The following KATNBL1 variants were observed in gnomAD, a reference collection of about 807,000 sequenced individuals.
KATNBL1 encodes the protein KATNB1-like protein 1.
KATNBL1 carries 28 observed loss-of-function variants against 44.7 expected under a neutral mutation model. That is an observed-to-expected ratio of 0.63 (90% CI 0.46 to 0.86). The LOEUF (loss-of-function observed/expected upper bound fraction) is 0.86. Among genes scored for constraint, KATNBL1 ranks in the 40% least tolerant of loss-of-function variants. The pLI is 0.00. For missense variants in KATNBL1, 272 were observed against 350.7 expected, an observed-to-expected ratio of 0.78 and a Z score of 1.79; for synonymous variants, 78 against 114.9, an observed-to-expected ratio of 0.68 and a Z score of 2.06.
At chr15:34,170,720 G>C (rs1889132335) in intron 1 of KATNBL1, among the ~76,000 whole-genome samples, 1 of 152,126 alleles carries the variant, frequency 6.6e-6, no homozygotes, top group African/African-American at 2.4e-5. Context: ...AAACAGCATG[G>C]TACTGGTACC....
intron 9 of KATNBL1, 93 bp from the exon 10 acceptor site, chr15:34,142,464 A>C (rs143613136): frequency 0.014 from 19,582 of 1,398,072 alleles, 170 homozygotes; most frequent in Non-Finnish European, 0.015. Context: ...AATTTGCCTT[A>C]GTTTCCTTTT....
intron 2 of KATNBL1, among the ~76,000 whole-genome samples, chr15:34,163,045 C>CTTTT (rs35514072): frequency 7.0e-6 from 1 of 142,544 alleles, no homozygotes; most frequent in Non-Finnish European, 1.5e-5. Flanking sequence ...TGACTAAAAA[C>CTTTT]TTTTTTTTTT....
intron 1 of KATNBL1, among the ~76,000 whole-genome samples, chr15:34,202,052 T>C (rs2141004003): frequency 6.6e-6 from 1 of 152,324 alleles, no homozygotes; most frequent in South Asian, 2.1e-4. Context: ...CCTCGGATTG[T>C]GATATCATTG....
At chr15:34,173,514 A>C (rs1181321612) in intron 1 of KATNBL1, among the ~76,000 whole-genome samples, 4 of 152,166 alleles carry the variant, frequency 2.6e-5, no homozygotes, top group African/African-American at 7.2e-5. Flanking sequence ...CAGAGTTCCC[A>C]AAAATTTCTT....
At chr15:34,148,813 T>A (rs1489016551) in intron 4 of KATNBL1, 63 bp from the exon 5 acceptor site, 9 of 924,246 alleles carry the variant, frequency 9.7e-6, no homozygotes, top group Non-Finnish European at 1.4e-5. Context: ...ACTATTTTTT[T>A]ATTAAATCGT....
intron 9 of KATNBL1, chr15:34,142,954 C>T (rs1888192785): frequency 1.0e-5 from 6 of 571,912 alleles, no homozygotes; most frequent in Admixed American, 5.5e-5. Context: ...TCGTGATCTG[C>T]CCACCTTGGC....
intron 1 of KATNBL1, among the ~76,000 whole-genome samples, chr15:34,193,857 A>AAG (rs1416313353): frequency 4.6e-5 from 6 of 129,636 alleles, no homozygotes; most frequent in African/African-American, 1.6e-4. Context: ...GTCTCAAAAA[A>AAG]AAAAAAAAAA....
At chr15:34,152,618 T>C (rs1385808273) in intron 4 of KATNBL1, among the ~76,000 whole-genome samples, 172 bp downstream of exon 4, 4 of 152,262 alleles carry the variant, frequency 2.6e-5, no homozygotes, top group Non-Finnish European at 5.9e-5. Flanking sequence ...GAATAAATTA[T>C]TAATTCAAAT....
intron 1 of KATNBL1, among the ~76,000 whole-genome samples, chr15:34,201,108 C>A (rs1890167334): frequency 6.6e-6 from 1 of 152,188 alleles, no homozygotes; most frequent in Non-Finnish European, 1.5e-5. Flanking sequence ...AGCCACCACA[C>A]CCGGCCTCTT....
chr15:34,148,444 C>T (rs1888374509), intron 5 of KATNBL1, 188 bp downstream of exon 5: 1 of 404,320 alleles, frequency 2.5e-6, no homozygotes, highest in African/African-American at 2.1e-5. Context: ...AAAAAATAGC[C>T]AGGTGTGGTG....
chr15:34,203,064 G>A (rs1890210519), intron 1 of KATNBL1, among the ~76,000 whole-genome samples: 1 of 152,076 alleles, frequency 6.6e-6, no homozygotes, highest in African/African-American at 2.4e-5. Flanking sequence ...ATCTCCAACT[G>A]CCTACTAGCC....
intron 1 of KATNBL1, among the ~76,000 whole-genome samples, chr15:34,204,053 G>A (rs1013319965): frequency 2.8e-4 from 42 of 149,000 alleles, no homozygotes; most frequent in African/African-American, 8.6e-4. Flanking sequence ...GCCAGTGTGT[G>A]TGATTCACTC....
At chr15:34,160,470 TG>T (rs779649147) in intron 2 of KATNBL1, among the ~76,000 whole-genome samples, 1 of 152,166 alleles carries the variant, frequency 6.6e-6, no homozygotes. Flanking sequence ...ATCCTTCATC[TG>T]GGGGGGTCTT....
intron 1 of KATNBL1, among the ~76,000 whole-genome samples, chr15:34,165,194 G>C (rs138350604): frequency 1.3e-5 from 2 of 152,146 alleles, no homozygotes; most frequent in African/African-American, 4.8e-5. Context: ...GAAGCAACAC[G>C]GTTTGTTTGG....
chr15:34,148,957 C>T (rs1434510282), intron 4 of KATNBL1, among the ~76,000 whole-genome samples: 4 of 152,108 alleles, frequency 2.6e-5, no homozygotes, highest in African/African-American at 9.7e-5. Flanking sequence ...CACTAGCTAC[C>T]ATTTTTCTTT....
intron 4 of KATNBL1, 35 bp downstream of exon 4, chr15:34,152,755 A>C: frequency 1.3e-6 from 2 of 1,524,054 alleles, no homozygotes. Context: ...ACAGGAACAA[A>C]GTTAAACTAG....
intron 1 of KATNBL1, chr15:34,199,732 T>C (rs1890122898): frequency 6.6e-6 from 1 of 152,274 alleles, no homozygotes; most frequent in African/African-American, 2.4e-5. Flanking sequence ...TCTGGCCGAA[T>C]TCAAGAATGA....
intron 2 of KATNBL1, among the ~76,000 whole-genome samples, chr15:34,162,457 T>G (rs1160568176): frequency 6.6e-6 from 1 of 152,210 alleles, no homozygotes; most frequent in African/African-American, 2.4e-5. Context: ...TCTTTTTCTT[T>G]AGAGATTACC....
At chr15:34,206,918 C>G (rs1406864998) in intron 1 of KATNBL1, among the ~76,000 whole-genome samples, 1 of 152,028 alleles carries the variant, frequency 6.6e-6, no homozygotes, top group Non-Finnish European at 1.5e-5. Flanking sequence ...TTCCTAAATA[C>G]ATTTTCCAGA....
Sources: gnomAD v4.1 joint callset for allele counts (sites outside exome capture counted in the v4.1 genomes callset) on GRCh38, gnomAD v4.1.1 for gene constraint, MANE v1.5 for transcripts, NCBI Gene and HGNC (gene_info 2026-07-23, HGNC 2026-07-21) for gene names.